PDZD2: variants seen among roughly 807,000 people sequenced by gnomAD.
The protein encoded by PDZD2 is PDZ domain containing 2, also known as PDZ domain-containing protein 2.
Under a neutral mutation model 220.7 loss-of-function variants are expected in PDZD2, and 90 were observed. The ratio of observed to expected loss-of-function variants is 0.41; its 90% CI spans 0.34 to 0.49. PDZD2 has a LOEUF of 0.49. Ranked by LOEUF, PDZD2 falls within the 20% of genes least tolerant of loss-of-function variation. The pLI is 0.28. For missense variants in PDZD2, 3,174 were observed against 3,608.5 expected (o/e 0.88, Z 3.08); for synonymous variants, 1,375 against 1,450.5 (o/e 0.95, Z 1.18).
At position 32,090,427 on chromosome 5, in the gene PDZD2, C is replaced by G. The variant is rs1274425990; in HGVS notation, c.6979C>G (p.His2327Asp). 6.2e-7 allele frequency: 1 copy of G among 1,614,154 alleles called. No individual in the cohort carries two copies. The highest frequency in any genetic ancestry group is 8.5e-7 in the Non-Finnish European group (1 of 1,180,012). Residue 2327 changes from histidine (H) to aspartate (D), a missense_variant, in exon 20 of 25, where the codon CAT (histidine) becomes GAT (aspartate). This residue lies in a region of PDZD2 where 631 missense variants were observed against 789.9 expected (regional missense o/e 0.80). Transcript: ENST00000438447. The surrounding 1 kb of genome is among the most constrained non-coding windows in gnomAD (Gnocchi z 4.3). ...CTACTGCTATGAGCAGAACTGGCCC[C>G]ATGAATCTACCTCATTTTTCTCTGT... ...RHYCYEQNWPHESTSFFSVKQ... is the reference protein window; with the variant it reads ...RHYCYEQNWPDESTSFFSVKQ...
At chr5:31,957,890 A>G (rs1275337163) in intron 2 of PDZD2, among the ~76,000 whole-genome samples, 1 of 152,188 alleles carries the variant, frequency 6.6e-6, no homozygotes, top group African/African-American at 2.4e-5. Flanking sequence ...GGTAAAGGCT[A>G]TTCATCCTTG....
intron 1 of PDZD2, among the ~76,000 whole-genome samples, chr5:31,752,246 T>C (rs1751043413): frequency 6.6e-6 from 1 of 151,574 alleles, no homozygotes; most frequent in Non-Finnish European, 1.5e-5. Flanking sequence ...GCCCGGCTAG[T>C]TTTTAAAATT....
At chr5:31,796,218 T>A (rs1280621734) in intron 1 of PDZD2, among the ~76,000 whole-genome samples, 1 of 152,242 alleles carries the variant, frequency 6.6e-6, no homozygotes, top group African/African-American at 2.4e-5. Context: ...TTGCTTTACC[T>A]TTTTTCTTTC....
intron 1 of PDZD2, among the ~76,000 whole-genome samples, chr5:31,739,354 A>T (rs77325986): frequency 6.6e-6 from 1 of 152,144 alleles, no homozygotes; most frequent in Non-Finnish European, 1.5e-5. Flanking sequence ...TCATCAGAGC[A>T]TCATTTATGG....
chr5:31,649,244 A>G (rs774956962), intron 1 of PDZD2, among the ~76,000 whole-genome samples: 1 of 151,910 alleles, frequency 6.6e-6, no homozygotes, highest in Non-Finnish European at 1.5e-5. Context: ...TCTCGTTGCC[A>G]TTTCAGTGTG....
chr5:32,054,338 T>TTTTA (rs1554034160), intron 10 of PDZD2, among the ~76,000 whole-genome samples: 1,996 of 125,730 alleles, frequency 0.016, 114 homozygotes, highest in Non-Finnish European at 0.027. Context: ...TTTTTTTTTT[T>TTTTA]AATGAGACAG....
At chr5:31,887,826 G>A (rs983043801) in intron 2 of PDZD2, among the ~76,000 whole-genome samples, 2 of 151,062 alleles carry the variant, frequency 1.3e-5, no homozygotes, top group East Asian at 2.0e-4. Flanking sequence ...GTGCGGGGGA[G>A]GGGGGGAACA....
At chr5:31,867,571 T>C (rs1194510116) in intron 2 of PDZD2, among the ~76,000 whole-genome samples, 1 of 152,154 alleles carries the variant, frequency 6.6e-6, no homozygotes, top group Non-Finnish European at 1.5e-5. Flanking sequence ...GGTCTATATT[T>C]AGTTCAAGGA....
chr5:31,703,071 C>T (rs376799686), intron 1 of PDZD2, among the ~76,000 whole-genome samples: 1 of 152,234 alleles, frequency 6.6e-6, no homozygotes, highest in African/African-American at 2.4e-5. Context: ...CTCAGCTCCA[C>T]TCATACATAG....
chr5:31,927,096 G>GT (rs1554008229), intron 2 of PDZD2, among the ~76,000 whole-genome samples: 2 of 152,166 alleles, frequency 1.3e-5, no homozygotes, highest in Admixed American at 6.5e-5. Flanking sequence ...GTTGAAAAAC[G>GT]TAACTATTGG....
At chr5:31,751,570 A>C (rs1750975139) in intron 1 of PDZD2, among the ~76,000 whole-genome samples, 1 of 147,414 alleles carries the variant, frequency 6.8e-6, no homozygotes, top group East Asian at 1.9e-4. Context: ...TGTGTTTGCT[A>C]ATTTCCTGCT....
chr5:32,071,919 G>C (rs1740789043), intron 16 of PDZD2, among the ~76,000 whole-genome samples: 1 of 152,132 alleles, frequency 6.6e-6, no homozygotes, highest in South Asian at 2.1e-4. Flanking sequence ...TCCGATCATT[G>C]CCAAAAATTT....
At chr5:31,787,379 C>T (rs762482329) in intron 1 of PDZD2, among the ~76,000 whole-genome samples, 5 of 152,146 alleles carry the variant, frequency 3.3e-5, no homozygotes, top group East Asian at 1.9e-4. Context: ...AGTCTTAAAC[C>T]GCAGAGCTCA....
At chr5:31,671,964 G>A (rs187267939) in intron 1 of PDZD2, among the ~76,000 whole-genome samples, 54 of 152,280 alleles carry the variant, frequency 3.5e-4, no homozygotes, top group African/African-American at 1.2e-3. Context: ...TAGATCAGGG[G>A]ATTCTCAGCA....
intron 2 of PDZD2, among the ~76,000 whole-genome samples, chr5:31,868,902 A>T (rs774139759): frequency 3.3e-5 from 5 of 152,180 alleles, no homozygotes; most frequent in Non-Finnish European, 5.9e-5. Context: ...CCTCCAGAGT[A>T]GCTGGAACTA....
At chr5:31,971,341 GA>G (rs1437032277) in intron 2 of PDZD2, among the ~76,000 whole-genome samples, 1 of 152,198 alleles carries the variant, frequency 6.6e-6, no homozygotes, top group Non-Finnish European at 1.5e-5. Flanking sequence ...TGGAAGAGCA[GA>G]AAAGGCCTTG....
chr5:31,715,059 A>G (rs373213779), intron 1 of PDZD2, among the ~76,000 whole-genome samples: 1 of 6,012 alleles, frequency 1.7e-4, no homozygotes, highest in African/African-American at 9.9e-4. Context: ...ACTCTGTCTA[A>G]AAAAAAAAAA....
Position 31,672,251 on chromosome 5 carries a change from C to T in PDZD2, c.-361+32814C>T, listed in dbSNP as rs543921089. On this transcript the variant is annotated intron_variant, in intron 1 of 24. Transcript: ENST00000438447. ...GTCTTGTTAAAATGCAGATTCCAAT[C>T]GGTAAGTCTGGGGAGGGGCCTGAGA... Among the ~76,000 whole-genome samples, 5 of 152,308 alleles carry T rather than the reference C, an allele frequency of 3.3e-5. No individual in the cohort carries two copies. In the South Asian group the frequency reaches 1.0e-3, roughly 32 times the overall value.
intron 2 of PDZD2, among the ~76,000 whole-genome samples, chr5:31,973,803 C>T (rs2111800288): frequency 6.6e-6 from 1 of 152,328 alleles, no homozygotes; most frequent in African/African-American, 2.4e-5. Flanking sequence ...AGGAGAATCA[C>T]TTGAGGCTAG....
Sources: allele counts gnomAD v4.1 joint callset (sites outside exome capture counted in the v4.1 genomes callset), GRCh38; gene constraint gnomAD v4.1.1; regional missense constraint gnomAD v4.1.1; non-coding constraint Gnocchi (gnomAD v3.1); transcripts MANE v1.5; gene names NCBI Gene and HGNC (gene_info 2026-07-23, HGNC 2026-07-21).